ARMC1: variants seen among roughly 807,000 people sequenced by gnomAD.
ARMC1 encodes armadillo repeat containing 1, also known as armadillo repeat-containing protein 1.
A neutral mutation model predicts 31.4 loss-of-function variants in ARMC1; 16 were observed. The ratio of observed to expected loss-of-function variants is 0.51; its 90% CI spans 0.34 to 0.77. ARMC1 has a LOEUF of 0.77. ARMC1 is among the 30% of genes least tolerant of loss of function. ARMC1 has a pLI of 0.01. For missense variants in ARMC1, 259 were observed against 347.5 expected (o/e 0.75, Z 2.02); for synonymous variants, 114 against 118.9 (o/e 0.96, Z 0.27).
rs935997454 is a variant in ARMC1, at chr8:65,603,944, G to C, written c.*450C>G. 2 of 156,358 alleles carry C rather than the reference G, an allele frequency of 1.3e-5. No individual in the cohort carries two copies. The highest frequency in any genetic ancestry group is 6.2e-5 in the Admixed American group (1 of 16,030). 9.7% of individuals were successfully genotyped at this position (156,358 alleles called of 1,614,324 possible). The stretch of plus-strand genomic sequence containing the variant: ...TTCAGCTTTCAGTGAAGAGTACAAA[G>C]CATGTACCCTTCATGAAGAAAAGCA... On this transcript the variant is annotated 3_prime_UTR_variant, in exon 7 of 7. Coordinates refer to ENST00000276569, the MANE Select transcript of ARMC1 (RefSeq NM_018120.6).
chr8:65,626,470 TAAATAA>T (rs1001696969), intron 2 of ARMC1, among the ~76,000 whole-genome samples: 1 of 149,442 alleles, frequency 6.7e-6, no homozygotes, highest in Non-Finnish European at 1.5e-5. Context: ...TTATTTATAA[TAAATAA>T]AAATAAAAAG....
Position 65,613,406 on chromosome 8 carries a change from A to C in ARMC1, c.303T>G (p.Leu101=). The change falls in exon 4 of 7, where the codon CTT becomes CTG. Residue 101 remains leucine, a synonymous_variant. Transcript: ENST00000276569. ...QKTTTPGETK[L]LASEIYDILQ... The stretch of plus-strand genomic sequence containing the variant: ...GAATGTCATAGATTTCAGAGGCCAG[A>C]AGTTTTGTTTCTCCTGGAGTTGTAG... 1.3e-6 allele frequency: 2 copies of C among 1,599,494 alleles called. No homozygotes were observed. Among genetic ancestry groups the C allele is most frequent in the Non-Finnish European group, 1.7e-6 (2 of 1,174,402 alleles).
intron 3 of ARMC1, among the ~76,000 whole-genome samples, chr8:65,620,798 T>TAAAAAAAAA (rs776508929): frequency 1.1e-4 from 5 of 46,480 alleles, no homozygotes; most frequent in Non-Finnish European, 1.2e-4. Flanking sequence ...TTAGTTCCAT[T>TAAAAAAAAA]TAAAAAAAAA....
intron 3 of ARMC1, among the ~76,000 whole-genome samples, chr8:65,613,956 T>A (rs1355453357): frequency 7.4e-5 from 4 of 54,194 alleles, no homozygotes; most frequent in African/African-American, 5.9e-4. Flanking sequence ...GGAGACTCCA[T>A]CTCAAAAAAA....
chr8:65,626,183 G>A (rs952765933), intron 2 of ARMC1, among the ~76,000 whole-genome samples: 2 of 152,002 alleles, frequency 1.3e-5, no homozygotes, highest in African/African-American at 2.4e-5. Flanking sequence ...GAGCCACCAC[G>A]TCTGGCCCTA....
intron 3 of ARMC1, among the ~76,000 whole-genome samples, chr8:65,618,386 G>A (rs191573020): frequency 4.1e-4 from 62 of 151,960 alleles, no homozygotes; most frequent in African/African-American, 1.4e-3. Context: ...GCCGGGCGTG[G>A]TGGCGGGCGC....
In ARMC1 at chr8:65,604,325, A is replaced by C. The variant is rs1807954719; in HGVS notation, c.*69T>G. 1 of 1,442,124 alleles carries C rather than the reference A, an allele frequency of 6.9e-7. No homozygotes were observed. Among genetic ancestry groups the C allele is most frequent in the South Asian group, 1.3e-5 (1 of 76,958 alleles). 89.3% of individuals were successfully genotyped at this position (1,442,124 alleles called of 1,614,324 possible). On this transcript the variant is annotated 3_prime_UTR_variant, in exon 7 of 7. Coordinates refer to ENST00000276569, the MANE Select transcript of ARMC1 (RefSeq NM_018120.6). ...GATAACTTATTGCAAATTGCACTTG[A>C]CAGTTCACCACAACAATGGAAAACT...
At chr8:65,628,281 G>C (rs565367390) in intron 1 of ARMC1, among the ~76,000 whole-genome samples, 2 of 151,320 alleles carry the variant, frequency 1.3e-5, no homozygotes, top group East Asian at 3.9e-4. Flanking sequence ...AGACAGAGTC[G>C]CATTCTGTCA....
At chr8:65,608,497 C>G (rs1241944755) in intron 4 of ARMC1, among the ~76,000 whole-genome samples, 1 of 151,926 alleles carries the variant, frequency 6.6e-6, no homozygotes, top group Non-Finnish European at 1.5e-5. Context: ...CCACCTCACT[C>G]CAGCCTGGGC....
intron 3 of ARMC1, among the ~76,000 whole-genome samples, chr8:65,617,235 AAAG>A (rs1247530489): frequency 6.6e-6 from 1 of 152,234 alleles, no homozygotes; most frequent in Admixed American, 6.5e-5. Context: ...GTCTGTGTAG[AAAG>A]AAGTAGACAT....
chr8:65,623,786 C>CTTTT (rs201008780), intron 2 of ARMC1, among the ~76,000 whole-genome samples: 5,887 of 25,784 alleles, frequency 0.23, 1,225 homozygotes, highest in Non-Finnish European at 0.27. Flanking sequence ...AAAGTAAAAT[C>CTTTT]TTTTTTTTTT....
intron 3 of ARMC1, among the ~76,000 whole-genome samples, chr8:65,619,617 TAGG>T (rs1808349541): frequency 6.6e-6 from 1 of 151,320 alleles, no homozygotes; most frequent in Non-Finnish European, 1.5e-5. Context: ...GAGGCCGAGA[TAGG>T]AGGATCACTT....
chr8:65,612,066 G>A (rs887070170), intron 4 of ARMC1, among the ~76,000 whole-genome samples: 14 of 152,158 alleles, frequency 9.2e-5, no homozygotes, highest in South Asian at 6.2e-4. Context: ...CACCGTGCCC[G>A]GCCTACACTT....
intron 3 of ARMC1, among the ~76,000 whole-genome samples, chr8:65,617,725 A>C (rs1288983346): frequency 6.6e-6 from 1 of 152,150 alleles, no homozygotes; most frequent in Non-Finnish European, 1.5e-5. Context: ...ACTGTTGGGT[A>C]CTACGCTCAC....
chr8:65,614,168 T>C (rs1051904411), intron 3 of ARMC1, among the ~76,000 whole-genome samples: 7 of 152,218 alleles, frequency 4.6e-5, no homozygotes, highest in African/African-American at 1.7e-4. Context: ...AATTTCAAGA[T>C]TTCTTTGTAT....
intron 2 of ARMC1, among the ~76,000 whole-genome samples, chr8:65,624,158 T>C (rs1162921304): frequency 1.3e-5 from 2 of 152,078 alleles, no homozygotes; most frequent in East Asian, 1.9e-4. Context: ...TGAATCTATA[T>C]TGGGGAATAA....
At chr8:65,612,514 A>G (rs544206794) in intron 4 of ARMC1, among the ~76,000 whole-genome samples, 1 of 152,140 alleles carries the variant, frequency 6.6e-6, no homozygotes, top group South Asian at 2.1e-4. Flanking sequence ...ATGTGGGGGA[A>G]ATTTTTCAGA....
At chr8:65,615,985 A>G (rs566046816) in intron 3 of ARMC1, among the ~76,000 whole-genome samples, 2 of 152,364 alleles carry the variant, frequency 1.3e-5, no homozygotes, top group South Asian at 4.1e-4. Context: ...ATCATAACAC[A>G]TAATAAAACA....
rs1294380596 is a variant in ARMC1 at position 65,628,603 on chromosome 8, AT to A, written c.-35-1171del. Among the ~76,000 whole-genome samples the A allele has an allele frequency of 2.7e-5, 4 of 149,706 alleles. No individual in the cohort carries two copies. In the East Asian group the frequency reaches 8.2e-4, roughly 31 times the overall value. On this transcript the variant is annotated intron_variant, in intron 1 of 6. Transcript: ENST00000276569. ...CCCGGCATGGTGGCTCATGCCTGTA[AT>A]CCCAGCACTTTGGGAGGCCGAGGCA...
Sources: gnomAD v4.1 joint callset for allele counts (sites outside exome capture counted in the v4.1 genomes callset) on GRCh38, gnomAD v4.1.1 for gene constraint, MANE v1.5 for transcripts, NCBI Gene and HGNC (gene_info 2026-07-23, HGNC 2026-07-21) for gene names.